The following CNTNAP2 variants were observed in gnomAD, a reference collection of about 807,000 sequenced individuals.
CNTNAP2 encodes contactin associated protein 2.
A neutral mutation model predicts 155.2 loss-of-function variants in CNTNAP2; 98 were observed. That is an observed-to-expected ratio of 0.63 (90% CI 0.54 to 0.75). The LOEUF is 0.75. Among genes scored for constraint, CNTNAP2 ranks in the 30% least tolerant of loss-of-function variants. The pLI, the probability that CNTNAP2 is intolerant of heterozygous loss-of-function variation, is 0.00. For synonymous variants in CNTNAP2, 651 were observed against 631.2 expected (o/e 1.03, Z -0.47); for missense variants, 1,727 against 1,688.1 (o/e 1.02, Z -0.40).
At chr7:146,822,853 A>C (rs535178730) in intron 2 of CNTNAP2, among the ~76,000 whole-genome samples, 2 of 149,914 alleles carry the variant, frequency 1.3e-5, no homozygotes, top group Admixed American at 1.3e-4. Flanking sequence ...GTTCTTCAGC[A>C]TATTTAAATG....
intron 10 of CNTNAP2, among the ~76,000 whole-genome samples, chr7:147,484,127 A>C (rs1798471588): frequency 6.6e-6 from 1 of 152,116 alleles, no homozygotes; most frequent in Non-Finnish European, 1.5e-5. Context: ...TTTTTCATGA[A>C]TCAGATCCCC....
chr7:147,389,085 G>A (rs1461610870), intron 9 of CNTNAP2, among the ~76,000 whole-genome samples: 2 of 152,116 alleles, frequency 1.3e-5, no homozygotes, highest in African/African-American at 4.8e-5. Context: ...TGCCTGCTGG[G>A]ACCCTAGTTT....
chr7:147,503,381 C>A (rs1437560871), intron 11 of CNTNAP2, among the ~76,000 whole-genome samples: 1 of 152,146 alleles, frequency 6.6e-6, no homozygotes. Context: ...TTAATCTTGA[C>A]AAATTACATC....
chr7:147,202,956 A>C (rs891689230), intron 8 of CNTNAP2, among the ~76,000 whole-genome samples: 11 of 151,716 alleles, frequency 7.3e-5, no homozygotes, highest in African/African-American at 2.4e-4. Flanking sequence ...CTTATGTTCA[A>C]ATATTCCATA....
At chr7:146,293,926 A>T (rs1800472085) in intron 1 of CNTNAP2, among the ~76,000 whole-genome samples, 1 of 152,094 alleles carries the variant, frequency 6.6e-6, no homozygotes, top group African/African-American at 2.4e-5. Flanking sequence ...GTGGAGTTGG[A>T]GGGGCTGCCT....
chr7:147,805,374 G>A (rs1233345365), intron 13 of CNTNAP2, among the ~76,000 whole-genome samples: 4 of 152,132 alleles, frequency 2.6e-5, no homozygotes, highest in African/African-American at 9.7e-5. Context: ...CTAAAAACAA[G>A]GATAATTTGA....
intron 3 of CNTNAP2, among the ~76,000 whole-genome samples, chr7:146,968,109 C>T (rs1282126095): frequency 1.3e-5 from 2 of 151,150 alleles, no homozygotes; most frequent in South Asian, 4.2e-4. Flanking sequence ...TGCTGGATTA[C>T]ATTTATTGAT....
intron 12 of CNTNAP2, among the ~76,000 whole-genome samples, chr7:147,603,831 G>C (rs373507816): frequency 6.6e-6 from 1 of 152,124 alleles, no homozygotes; most frequent in Non-Finnish European, 1.5e-5. Flanking sequence ...ATACTACAAG[G>C]CTACAGTAAC....
intron 12 of CNTNAP2, among the ~76,000 whole-genome samples, chr7:147,562,547 C>T (rs1800085108): frequency 6.6e-6 from 1 of 152,000 alleles, no homozygotes; most frequent in Admixed American, 6.6e-5. Context: ...AAGTTCAGCC[C>T]AAAGAAAGAA....
chr7:147,901,316 G>A (rs533765372), intron 13 of CNTNAP2, among the ~76,000 whole-genome samples: 1 of 152,220 alleles, frequency 6.6e-6, no homozygotes, highest in South Asian at 2.1e-4. Flanking sequence ...CTAGTTCCCT[G>A]CTTAAAATCC....
At chr7:146,622,234 T>C (rs138092467) in intron 1 of CNTNAP2, among the ~76,000 whole-genome samples, 2,903 of 148,020 alleles carry the variant, frequency 0.02, 51 homozygotes, top group Middle Eastern at 0.071. Flanking sequence ...TATATATATA[T>C]GTGTGTGTAT....
At chr7:146,782,414 G>C (rs1486522867) in intron 2 of CNTNAP2, among the ~76,000 whole-genome samples, 2 of 152,138 alleles carry the variant, frequency 1.3e-5, no homozygotes, top group African/African-American at 4.8e-5. Flanking sequence ...TGCTGATTTT[G>C]TCGGCTCTGA....
At chr7:146,961,645 C>G (rs1797559721) in intron 3 of CNTNAP2, among the ~76,000 whole-genome samples, 1 of 151,954 alleles carries the variant, frequency 6.6e-6, no homozygotes, top group African/African-American at 2.4e-5. Flanking sequence ...GAAATGGGAA[C>G]GAAAATAATA....
chr7:148,008,960 A>G (rs1279792199), intron 15 of CNTNAP2, among the ~76,000 whole-genome samples: 2 of 152,226 alleles, frequency 1.3e-5, no homozygotes, highest in African/African-American at 4.8e-5. Context: ...AAAGAATAAC[A>G]TTATGTGGAG....
At chr7:147,945,868 CTTTT>C (rs34305612) in intron 14 of CNTNAP2, among the ~76,000 whole-genome samples, 3 of 123,358 alleles carry the variant, frequency 2.4e-5, no homozygotes, top group Non-Finnish European at 5.0e-5. Flanking sequence ...TTTTCTTTTT[CTTTT>C]TTTTTTTTTT....
chr7:147,036,160 C>T (rs758111705), intron 3 of CNTNAP2, among the ~76,000 whole-genome samples: 18 of 152,124 alleles, frequency 1.2e-4, no homozygotes, highest in African/African-American at 1.7e-4. Context: ...ATAATTTTTA[C>T]ATTTCACAAG....
Position 148,252,995 on chromosome 7 carries a change from GAGATAGATAGATACAT to G in CNTNAP2, c.3382-14024_3382-14009del, listed in dbSNP as rs1285973365. Among the ~76,000 whole-genome samples the G allele has an allele frequency of 6.0e-3, 831 of 137,898 alleles. 9 individuals are homozygous for G. Among genetic ancestry groups the G allele is most frequent in the African/African-American group, 0.021 (787 of 36,926 alleles). The allele number at this position is 137,898 out of a possible 152,430, so 90.5% of individuals were successfully genotyped here. On this transcript the variant is annotated intron_variant, in intron 20 of 23. Coordinates refer to ENST00000361727, the MANE Select transcript of CNTNAP2 (RefSeq NM_014141.6). ...GGGGTGATCCTATGCCAGAATAACA[GAGATAGATAGATACAT>G]AGATAGATAGATAGATAGATAGATA...
At chr7:146,858,581 C>A (rs535477989) in intron 3 of CNTNAP2, among the ~76,000 whole-genome samples, 315 of 152,252 alleles carry the variant, frequency 2.1e-3, no homozygotes, top group Middle Eastern at 3.4e-3. Context: ...GTAGTTCCAG[C>A]TCCTCATGAG....
At chr7:148,162,162 GA>G (rs1347059124) in intron 17 of CNTNAP2, among the ~76,000 whole-genome samples, 2 of 152,206 alleles carry the variant, frequency 1.3e-5, no homozygotes, top group African/African-American at 4.8e-5. Flanking sequence ...GGAAGCAGGA[GA>G]GGGGGAGGGG....
Sources: allele counts gnomAD v4.1 joint callset (sites outside exome capture counted in the v4.1 genomes callset), GRCh38; gene constraint gnomAD v4.1.1; transcripts MANE v1.5; gene names NCBI Gene and HGNC (gene_info 2026-07-23, HGNC 2026-07-21).